SIAH1: variants seen among roughly 807,000 people sequenced by gnomAD.
The protein encoded by SIAH1 is siah E3 ubiquitin protein ligase 1, also known as E3 ubiquitin-protein ligase SIAH1.
Under a neutral mutation model 20.0 loss-of-function variants are expected in SIAH1, and 2 were observed. The ratio of observed to expected loss-of-function variants is 0.10; its 90% confidence interval spans 0.04 to 0.31. The LOEUF is 0.31. Ranked by LOEUF, SIAH1 falls within the 10% of genes least tolerant of loss-of-function variation. The probability of loss-of-function intolerance (pLI) is 1.00; values close to 1 mark genes in which losing one functional copy is unlikely to be tolerated. For synonymous variants in SIAH1, 118 were observed against 125.3 expected, an observed-to-expected ratio of 0.94 and a Z score of 0.39; for missense variants, 119 against 355.3, an observed-to-expected ratio of 0.33 and a Z score of 5.35.
rs1960644317 is a variant in SIAH1 at position 48,362,723 on chromosome 16, A to G, written c.-2-293T>C. 2 of 283,720 alleles carry G rather than the reference A, an allele frequency of 7.0e-6. No homozygotes were observed. The highest frequency in any genetic ancestry group is 1.4e-5 in the Non-Finnish European group (2 of 141,018). 17.6% of individuals were successfully genotyped at this position (283,720 alleles called of 1,614,324 possible). ...CATAGAATAATAAATGCTAAAATAG[A>G]AAATGGACCATAAACAACTAAAGAA... On this transcript the variant is annotated intron_variant, in intron 1 of 1. Coordinates refer to ENST00000394725, the MANE Select transcript of SIAH1 (RefSeq NM_003031.4). This position sits in a 1 kb window ranked among gnomAD's most constrained non-coding sequence, Gnocchi z 4.2.
intron 1 of SIAH1, among the ~76,000 whole-genome samples, chr16:48,367,583 G>C (rs1162112767): frequency 6.6e-6 from 1 of 152,188 alleles, no homozygotes; most frequent in Non-Finnish European, 1.5e-5. Flanking sequence ...ACATATTCCA[G>C]AATATTTAAG....
chr16:48,386,994 A>C (rs1219832930), upstream of SIAH1: 1 of 152,242 alleles, frequency 6.6e-6, no homozygotes, highest in African/African-American at 2.4e-5. Context: ...ACCCAACAGC[A>C]TTTGTCCATC....
At chr16:48,381,560 A>AT (rs1961292797) in intron 1 of SIAH1, among the ~76,000 whole-genome samples, 1 of 152,238 alleles carries the variant, frequency 6.6e-6, no homozygotes, top group African/African-American at 2.4e-5. Context: ...TAGACAACAG[A>AT]TTATTATGCA....
In SIAH1 at chr16:48,361,353, G is replaced by C. The variant is rs1288377922; in HGVS notation, c.*227C>G. On this transcript the variant is annotated 3_prime_UTR_variant, in exon 2 of 2. Coordinates refer to ENST00000394725, the MANE Select transcript of SIAH1 (RefSeq NM_003031.4). Reference sequence around the variant, plus strand: ...TTAATACAAAAGATGCCCATCTTGGGTGTATATACATATATTTTTTCAGTG... The same window carrying C: ...TTAATACAAAAGATGCCCATCTTGGCTGTATATACATATATTTTTTCAGTG... 1 of 491,818 alleles carries C rather than the reference G, an allele frequency of 2.0e-6. No individual in the cohort carries two copies. Among genetic ancestry groups the C allele is most frequent in the African/African-American group, 1.9e-5 (1 of 51,840 alleles). 30.5% of individuals were successfully genotyped at this position (491,818 alleles called of 1,614,324 possible).
intron 1 of SIAH1, among the ~76,000 whole-genome samples, chr16:48,375,313 C>G (rs1464763894): frequency 6.6e-6 from 1 of 152,172 alleles, no homozygotes; most frequent in Non-Finnish European, 1.5e-5. Context: ...ATCAGACTTA[C>G]TAACATGTAA....
In SIAH1 at chr16:48,385,004, G is replaced by A. The variant is rs1445831473; in HGVS notation, c.-3+200C>T. ...GGCGGGGGCGAGCCGGCTTGCGAAGGCTGAAGGCAGGGGAGGGGCGGGGGG... is the reference window on the plus strand; with the variant it reads ...GGCGGGGGCGAGCCGGCTTGCGAAGACTGAAGGCAGGGGAGGGGCGGGGGG... On this transcript the variant is annotated intron_variant, in intron 1 of 1. Transcript: ENST00000394725. Among the ~76,000 whole-genome samples the A allele has an allele frequency of 1.0e-4, 15 of 147,832 alleles. No individual in the cohort carries two copies. The East Asian group carries it at 1.8e-3, about 18-fold the overall frequency.
intron 1 of SIAH1, among the ~76,000 whole-genome samples, chr16:48,377,897 G>C (rs1293166749): frequency 6.6e-6 from 1 of 151,970 alleles, no homozygotes; most frequent in Non-Finnish European, 1.5e-5. Flanking sequence ...GGACAACATA[G>C]TGAGATCTCG....
intron 1 of SIAH1, chr16:48,365,481 A>C: frequency 6.2e-7 from 1 of 1,612,588 alleles, no homozygotes; most frequent in Non-Finnish European, 8.5e-7. Flanking sequence ...CCGTCATGAG[A>C]AGTCAGGCCA....
intron 1 of SIAH1, among the ~76,000 whole-genome samples, chr16:48,372,006 T>TACACAC (rs113043573): frequency 6.6e-6 from 1 of 150,972 alleles, no homozygotes; most frequent in South Asian, 2.1e-4. Context: ...TAAGTATGTA[T>TACACAC]ACACACACAC....
At chr16:48,384,205 A>G (rs1043530410) in intron 1 of SIAH1, among the ~76,000 whole-genome samples, 1 of 152,188 alleles carries the variant, frequency 6.6e-6, no homozygotes, top group Non-Finnish European at 1.5e-5. Flanking sequence ...ACTGCTAGGA[A>G]GGGACAGTCA....
intron 1 of SIAH1, among the ~76,000 whole-genome samples, chr16:48,367,108 C>G (rs564380314): frequency 5.0e-4 from 76 of 152,254 alleles, no homozygotes; most frequent in African/African-American, 1.8e-3. Context: ...CCATGTTGCC[C>G]AGGCTGGTCT....
At chr16:48,369,267 TAC>T (rs1960923673) in intron 1 of SIAH1, among the ~76,000 whole-genome samples, 1 of 152,318 alleles carries the variant, frequency 6.6e-6, no homozygotes, top group Admixed American at 6.5e-5. Flanking sequence ...ACTTTGCAGC[TAC>T]AGAAGAAGTT....
At chr16:48,364,337 C>T (rs1960743618) in intron 1 of SIAH1, among the ~76,000 whole-genome samples, 1 of 152,118 alleles carries the variant, frequency 6.6e-6, no homozygotes, top group Non-Finnish European at 1.5e-5. Flanking sequence ...ATGTTGGTTA[C>T]CAATGTGACC....
chr16:48,378,216 G>C (rs1293749187), intron 1 of SIAH1, among the ~76,000 whole-genome samples: 1 of 152,178 alleles, frequency 6.6e-6, no homozygotes, highest in Non-Finnish European at 1.5e-5. Flanking sequence ...AGCCAAGTGT[G>C]GTGGTGCATG....
In SIAH1 at chr16:48,379,548, T is replaced by C. The variant is rs574469206; in HGVS notation, c.-3+5656A>G. ...GGCTAGAAGAGTTTAATAAGGACAGTGTGGAGTCAGTCGCTCAATAACTTT... is the reference window on the plus strand; with the variant it reads ...GGCTAGAAGAGTTTAATAAGGACAGCGTGGAGTCAGTCGCTCAATAACTTT... On this transcript the variant is annotated intron_variant, in intron 1 of 1. Transcript: ENST00000394725. 6.6e-5 allele frequency among the ~76,000 whole-genome samples: 10 copies of C among 152,328 alleles called. 1 individual carries two copies. Among genetic ancestry groups the C allele is most frequent in the African/African-American group, 2.4e-4 (10 of 41,574 alleles).
chr16:48,380,692 G>A (rs796142427), intron 1 of SIAH1, among the ~76,000 whole-genome samples: 36 of 152,060 alleles, frequency 2.4e-4, no homozygotes, highest in African/African-American at 8.4e-4. Flanking sequence ...GGGAGGCCGA[G>A]GTGGGCGAAT....
chr16:48,383,608 A>C (rs1417713600), intron 1 of SIAH1, among the ~76,000 whole-genome samples: 6 of 152,324 alleles, frequency 3.9e-5, no homozygotes, highest in Admixed American at 6.5e-5. Context: ...CTGATCAATA[A>C]ATCTAAACTA....
At chr16:48,365,721 T>C in intron 1 of SIAH1, 2 of 1,420,722 alleles carry the variant, frequency 1.4e-6, no homozygotes, top group Admixed American at 2.9e-5. Context: ...GAGCCACAGC[T>C]GCGCTGTCCT....
At chr16:48,380,473 A>AC (rs58864824) in intron 1 of SIAH1, among the ~76,000 whole-genome samples, 1 of 152,018 alleles carries the variant, frequency 6.6e-6, no homozygotes, top group African/African-American at 2.4e-5. Flanking sequence ...CAAAAAAAAA[A>AC]CAAAAACTCA....
Sources: gnomAD v4.1 joint callset for allele counts (sites outside exome capture counted in the v4.1 genomes callset) on GRCh38, gnomAD v4.1.1 for gene constraint, Gnocchi (gnomAD v3.1) non-coding constraint, MANE v1.5 for transcripts, NCBI Gene and HGNC (gene_info 2026-07-23, HGNC 2026-07-21) for gene names.